FIG4: variants seen among roughly 807,000 people sequenced by gnomAD.
FIG4 encodes FIG4 phosphoinositide 5-phosphatase, also known as polyphosphoinositide phosphatase.
A neutral mutation model predicts 118.6 loss-of-function variants in FIG4; 112 were observed. That is an observed-to-expected ratio of 0.94 (90% confidence interval 0.81 to 1.11). The LOEUF (loss-of-function observed/expected upper bound fraction) is 1.11. Among genes scored for constraint, FIG4 ranks in the 50% least tolerant of loss-of-function variants. The pLI is 0.00. For missense variants in FIG4, 969 were observed against 1,111.7 expected, an observed-to-expected ratio of 0.87 and a Z score of 1.83; for synonymous variants, 369 against 381.2, an observed-to-expected ratio of 0.97 and a Z score of 0.37.
intron 1 of FIG4, among the ~76,000 whole-genome samples, chr6:109,705,265 C>T (rs551815495): frequency 6.6e-6 from 1 of 152,158 alleles, no homozygotes; most frequent in South Asian, 2.1e-4. Flanking sequence ...GAAATAAGAA[C>T]GAGTAGAAAC....
In FIG4 at chr6:109,789,603, G is replaced by T; in HGVS notation, c.2106G>T (p.Met702Ile). 1.2e-6 allele frequency: 2 copies of T among 1,612,930 alleles called. No individual in the cohort carries two copies. The highest frequency in any genetic ancestry group is 1.7e-6 in the Non-Finnish European group (2 of 1,179,072). Reference protein sequence around the residue: ...LAMTSSARDFMPKTVGIDPSP... With the variant: ...LAMTSSARDFIPKTVGIDPSP... ...TTTCACCTTTCTTTAGTGACTTTAT[G>T]CCTAAGACCGTTGGAATTGATCCAA... Residue 702 changes from methionine (M) to isoleucine (I), a missense_variant, in exon 19 of 23, where the codon ATG (methionine) becomes ATT (isoleucine). Around this residue, in one of 3 missense-constraint regions of FIG4, gnomAD observed 330 missense variants for 348.1 expected, o/e 0.95. Coordinates refer to ENST00000230124, the MANE Select transcript of FIG4 (RefSeq NM_014845.6).
intron 12 of FIG4, among the ~76,000 whole-genome samples, chr6:109,763,486 C>G (rs1201441135): frequency 2.0e-5 from 3 of 152,082 alleles, no homozygotes; most frequent in African/African-American, 7.2e-5. Flanking sequence ...CAAAACCAAC[C>G]AAAGAAATAT....
chr6:109,714,190 G>A (rs1775357224), intron 1 of FIG4, among the ~76,000 whole-genome samples: 1 of 152,190 alleles, frequency 6.6e-6, no homozygotes, highest in East Asian at 1.9e-4. Context: ...GCCTTGGCGA[G>A]AGTAAGTTTC....
chr6:109,785,010 C>A lies in FIG4; in HGVS notation c.1930C>A (p.Pro644Thr). 6.4e-7 allele frequency: 1 copy of A among 1,570,462 alleles called. No homozygotes were observed. Among genetic ancestry groups the A allele is most frequent in the Non-Finnish European group, 8.8e-7 (1 of 1,140,116 alleles). Residue 644 changes from proline to threonine, a missense_variant, in exon 17 of 23, where the codon CCA (proline) becomes ACA (threonine). Coordinates refer to ENST00000230124, the MANE Select transcript of FIG4 (RefSeq NM_014845.6). ...WWTPEVIKHL[P>T]LPYDEVICAV... ...GACACCAGAGGTGATAAAGCATTTA[C>A]CATTGCCCTATGATGAAGGTAGGTA... is the stretch of plus-strand genomic sequence containing the variant.
intron 1 of FIG4, among the ~76,000 whole-genome samples, chr6:109,710,758 A>G (rs979142701): frequency 6.6e-6 from 1 of 152,148 alleles, no homozygotes; most frequent in Admixed American, 6.5e-5. Flanking sequence ...TTTCTAGTGT[A>G]TGTGAATAGA....
At position 109,693,277 on chromosome 6, in the gene FIG4, G is replaced by A. The variant is rs146823321; in HGVS notation, c.66+1776G>A. On this transcript the variant is annotated intron_variant, in intron 1 of 22. Coordinates refer to ENST00000230124, the MANE Select transcript of FIG4 (RefSeq NM_014845.6). ...ATATGCCTTATTCTGCAGTAAAACT[G>A]TATTGCTTTCAGTTCCCTATATCTG... 3.0e-3 allele frequency among the ~76,000 whole-genome samples: 450 copies of A among 152,260 alleles called. 4 individuals are homozygous for A. Among genetic ancestry groups the A allele is most frequent in the African/African-American group, 9.8e-3 (408 of 41,554 alleles).
chr6:109,711,847 A>C (rs1247515647), intron 1 of FIG4, among the ~76,000 whole-genome samples: 1 of 152,152 alleles, frequency 6.6e-6, no homozygotes, highest in Non-Finnish European at 1.5e-5. Flanking sequence ...TGGTTGCTTT[A>C]TAGTGTCATT....
chr6:109,758,096 A>G (rs893933826), intron 10 of FIG4, among the ~76,000 whole-genome samples: 4 of 152,214 alleles, frequency 2.6e-5, no homozygotes, highest in Admixed American at 1.3e-4. Context: ...TCTTCACAGA[A>G]TTAGAAAAAA....
intron 11 of FIG4, among the ~76,000 whole-genome samples, chr6:109,761,155 TAA>T (rs1383255647): frequency 6.6e-6 from 1 of 152,202 alleles, no homozygotes; most frequent in Non-Finnish European, 1.5e-5. Flanking sequence ...TCTCAGAGTA[TAA>T]GTTTGTTTAC....
At chr6:109,732,602 G>C (rs1006491261) in intron 4 of FIG4, 35 bp from the exon 5 acceptor site, 1 of 1,059,742 alleles carries the variant, frequency 9.4e-7, no homozygotes, top group African/African-American at 1.7e-5. Context: ...AATAGTATTG[G>C]ACAAATGAAA....
intron 10 of FIG4, among the ~76,000 whole-genome samples, chr6:109,753,516 C>T (rs1776779610): frequency 6.6e-6 from 1 of 152,108 alleles, no homozygotes; most frequent in Non-Finnish European, 1.5e-5. Context: ...GGCATTGAAT[C>T]TATAAATTAC....
At chr6:109,769,421 T>C (rs1041873228) in intron 15 of FIG4, among the ~76,000 whole-genome samples, 6 of 152,138 alleles carry the variant, frequency 3.9e-5, no homozygotes, top group African/African-American at 1.4e-4. Context: ...TTATGAATAA[T>C]GTGGCTAAAA....
chr6:109,820,984 C>T (rs377466160), intron 22 of FIG4, among the ~76,000 whole-genome samples: 1 of 152,114 alleles, frequency 6.6e-6, no homozygotes, highest in Admixed American at 6.5e-5. Context: ...CACAGGTAGT[C>T]GCCAGAAATC....
Position 109,775,099 on chromosome 6 carries a change from C to A in FIG4, c.1751-1823C>A, listed in dbSNP as rs555338304. 4.6e-5 allele frequency among the ~76,000 whole-genome samples: 7 copies of A among 152,222 alleles called. No individual in the cohort carries two copies. The South Asian group carries it at 1.2e-3, about 27-fold the overall frequency. The stretch of plus-strand genomic sequence containing the variant: ...GTGCATATTCTTTCTTCCCTTCAAG[C>A]ACAATTAAACATAAAAGTGGCTAAT... On this transcript the variant is annotated intron_variant, in intron 15 of 22. Transcript: ENST00000230124.
intron 10 of FIG4, among the ~76,000 whole-genome samples, chr6:109,754,042 T>C (rs1191400405): frequency 6.6e-6 from 1 of 152,168 alleles, no homozygotes; most frequent in South Asian, 2.1e-4. Flanking sequence ...ATGCTTCCAG[T>C]TTTTGCCCAT....
At chr6:109,819,639 G>C (rs572585465) in intron 22 of FIG4, among the ~76,000 whole-genome samples, 100 of 151,978 alleles carry the variant, frequency 6.6e-4, no homozygotes, top group African/African-American at 2.3e-3. Context: ...CTGCTATTTT[G>C]TGTATTTTTA....
At chr6:109,821,780 AG>A (rs1422629039) in intron 22 of FIG4, among the ~76,000 whole-genome samples, 1 of 152,248 alleles carries the variant, frequency 6.6e-6, no homozygotes, top group East Asian at 1.9e-4. Flanking sequence ...TATAAAGGGC[AG>A]AGGAACACTT....
At chr6:109,733,521 A>G (rs916717624) in intron 5 of FIG4, among the ~76,000 whole-genome samples, 11 of 152,116 alleles carry the variant, frequency 7.2e-5, no homozygotes, top group African/African-American at 2.4e-4. Context: ...TACTACTGAC[A>G]GGGTGCTTTG....
rs553966853 is a variant in FIG4 at position 109,823,164 on chromosome 6, G to C, written c.2547-1924G>C. Among the ~76,000 whole-genome samples the C allele has an allele frequency of 6.6e-5, 10 of 152,244 alleles. No individual in the cohort carries two copies. The South Asian group carries it at 2.1e-3, about 32-fold the overall frequency. On this transcript the variant is annotated intron_variant, in intron 22 of 22. Transcript: ENST00000230124. ...TTTGCCAGACTGCAGTGTCTTTCTT[G>C]TTGGTCTGTCATTGACATGGCTCCC...
Sources: allele counts gnomAD v4.1 joint callset (sites outside exome capture counted in the v4.1 genomes callset), GRCh38; gene constraint gnomAD v4.1.1; regional missense constraint gnomAD v4.1.1; transcripts MANE v1.5; gene names NCBI Gene and HGNC (gene_info 2026-07-23, HGNC 2026-07-21).